Variants in PDZRN3 observed in about 807,000 individuals in gnomAD.
PDZRN3 encodes PDZ domain containing ring finger 3.
PDZRN3 carries 38 observed loss-of-function variants against 85.7 expected under a neutral mutation model. The observed-to-expected ratio is 0.44, with a 90% CI of 0.34 to 0.58. PDZRN3 has a LOEUF of 0.58. Ranked by LOEUF, PDZRN3 falls within the 20% of genes least tolerant of loss-of-function variation. PDZRN3 has a pLI of 0.01. For missense variants in PDZRN3, 1,629 were observed against 1,506.4 expected, an observed-to-expected ratio of 1.08 and a Z score of -1.35; for synonymous variants, 759 against 638.0, an observed-to-expected ratio of 1.19 and a Z score of -2.86.
chr3:73,602,573 T>C (rs1702531223), intron 2 of PDZRN3, 112 bp from the exon 3 acceptor site: 3 of 659,012 alleles, frequency 4.6e-6, no homozygotes, highest in Admixed American at 2.6e-5. Flanking sequence ...AGAGTGGCAA[T>C]AGGGTAAAAG....
At chr3:73,616,521 T>C (rs1193290778) in intron 1 of PDZRN3, among the ~76,000 whole-genome samples, 1 of 152,164 alleles carries the variant, frequency 6.6e-6, no homozygotes, top group Non-Finnish European at 1.5e-5. Context: ...ATATCCCTCT[T>C]TCACACATTT....
intron 1 of PDZRN3, among the ~76,000 whole-genome samples, chr3:73,610,982 T>C (rs551894940): frequency 9.8e-5 from 15 of 152,314 alleles, no homozygotes; most frequent in African/African-American, 3.4e-4. Flanking sequence ...CCTCATGATA[T>C]AGGTGGGAAG....
At position 73,454,094 on chromosome 3, in the gene PDZRN3, C is replaced by A. The variant is rs373392389; in HGVS notation, c.919-49699G>T. On this transcript the variant is annotated intron_variant, in intron 3 of 9. Coordinates refer to ENST00000263666, the MANE Select transcript of PDZRN3 (RefSeq NM_015009.3). ...CAGATCACAGCAAGCTATTCCAGCA[C>A]AAGATTCCTCATTTTAAGACCAGCT... Among the ~76,000 whole-genome samples the A allele has an allele frequency of 7.2e-5, 11 of 152,162 alleles. No individual in the cohort carries two copies. The South Asian group carries it at 2.3e-3, about 32-fold the overall frequency.
chr3:73,614,758 A>T (rs1702735677), intron 1 of PDZRN3, among the ~76,000 whole-genome samples: 2 of 152,126 alleles, frequency 1.3e-5, no homozygotes, highest in Admixed American at 1.3e-4. Flanking sequence ...GGCTGCCAGA[A>T]ATTCTTTACT....
rs1701288855 is a variant in PDZRN3 at position 73,384,163 on chromosome 3, G to A, written c.2403C>T (p.Tyr801=). 3.1e-6 allele frequency: 5 copies of A among 1,613,916 alleles called. No homozygotes were observed. Among genetic ancestry groups the A allele is most frequent in the Non-Finnish European group, 4.2e-6 (5 of 1,180,042 alleles). Residue 801 remains tyrosine (Y), a synonymous_variant, in exon 10 of 10, where the codon TAC becomes TAT. Coordinates refer to ENST00000263666, the MANE Select transcript of PDZRN3 (RefSeq NM_015009.3). ...AGAGCAGATTCTTGGAGGCTGGCCCGTAGGCTTCCGTGGTCCCCACAGCCC... is the reference window on the plus strand; with the variant it reads ...AGAGCAGATTCTTGGAGGCTGGCCCATAGGCTTCCGTGGTCCCCACAGCCC... The part of the protein sequence containing the change: ...SEGAVGTTEA[Y]GPASKNLLSI...
chr3:73,384,986 T>A, intron 9 of PDZRN3, 56 bp from the exon 10 acceptor site: 1 of 1,535,570 alleles, frequency 6.5e-7, no homozygotes, highest in South Asian at 1.3e-5. Context: ...CAGCAGGTAC[T>A]CAGGTTTGAC....
At chr3:73,486,567 G>A (rs1703665917) in intron 3 of PDZRN3, among the ~76,000 whole-genome samples, 1 of 152,298 alleles carries the variant, frequency 6.6e-6, no homozygotes. Flanking sequence ...GTAAGACAAC[G>A]TGAATGTAAT....
At chr3:73,502,093 T>C (rs1703991582) in intron 3 of PDZRN3, among the ~76,000 whole-genome samples, 1 of 152,194 alleles carries the variant, frequency 6.6e-6, no homozygotes, top group Non-Finnish European at 1.5e-5. Flanking sequence ...GCTGCTAGCT[T>C]GTAGACCAAA....
At chr3:73,594,448 C>G (rs746245434) in intron 3 of PDZRN3, among the ~76,000 whole-genome samples, 25 of 152,138 alleles carry the variant, frequency 1.6e-4, no homozygotes. Context: ...AACTCTCCAC[C>G]TTTGTACTTA....
chr3:73,422,197 A>G (rs1438211751), intron 3 of PDZRN3, among the ~76,000 whole-genome samples: 1 of 152,124 alleles, frequency 6.6e-6, no homozygotes, highest in Non-Finnish European at 1.5e-5. Context: ...GATGCCCACT[A>G]ATGTCTTTTA....
chr3:73,411,945 A>G (rs11128337), intron 3 of PDZRN3, among the ~76,000 whole-genome samples: 79,687 of 152,028 alleles, frequency 0.52, 21,397 homozygotes, highest in East Asian at 0.75. Context: ...ATCCTCACAC[A>G]AGGGAAGTAC....
At chr3:73,486,969 A>T (rs190042784) in intron 3 of PDZRN3, among the ~76,000 whole-genome samples, 1 of 152,158 alleles carries the variant, frequency 6.6e-6, no homozygotes, top group Non-Finnish European at 1.5e-5. Context: ...TTTTTGCTCC[A>T]AAGTTGGTGC....
chr3:73,425,993 G>A (rs895735364), intron 3 of PDZRN3, among the ~76,000 whole-genome samples: 4 of 151,938 alleles, frequency 2.6e-5, no homozygotes, highest in Non-Finnish European at 4.4e-5. Context: ...ATTCTCTTCC[G>A]GCAGGAGAAT....
rs1448350053 is a variant in PDZRN3 at position 73,481,164 on chromosome 3, G to T, written c.919-76769C>A. Among the ~76,000 whole-genome samples, 3 of 152,100 alleles carry T rather than the reference G, an allele frequency of 2.0e-5. No individual in the cohort carries two copies. In the East Asian group the frequency reaches 5.8e-4, roughly 29 times the overall value. ...CTTGCTCTCTAATGATTCCTACATG[G>T]CTCTGAGCCCTCTGACACAAAGACT... On this transcript the variant is annotated intron_variant, in intron 3 of 9. Coordinates refer to ENST00000263666, the MANE Select transcript of PDZRN3 (RefSeq NM_015009.3).
chr3:73,550,311 G>A (rs1012560415), intron 3 of PDZRN3, among the ~76,000 whole-genome samples: 4 of 152,082 alleles, frequency 2.6e-5, no homozygotes, highest in Non-Finnish European at 5.9e-5. Context: ...GTTTTAACAG[G>A]CCCTTTAGGT....
chr3:73,476,433 C>A (rs1463116049), intron 3 of PDZRN3, among the ~76,000 whole-genome samples: 1 of 152,114 alleles, frequency 6.6e-6, no homozygotes, highest in Non-Finnish European at 1.5e-5. Context: ...GAGAAACCAC[C>A]CCCATGATCC....
chr3:73,421,611 T>C (rs13320978), intron 3 of PDZRN3, among the ~76,000 whole-genome samples: 170 of 152,326 alleles, frequency 1.1e-3, no homozygotes, highest in African/African-American at 3.8e-3. Context: ...ATATAAGATA[T>C]CACCTTGATA....
At chr3:73,442,015 T>G (rs1417831327) in intron 3 of PDZRN3, among the ~76,000 whole-genome samples, 2 of 152,210 alleles carry the variant, frequency 1.3e-5, no homozygotes, top group Non-Finnish European at 2.9e-5. Flanking sequence ...GTAATCTCTT[T>G]GCCCATGTGA....
At chr3:73,484,176 A>T (rs772497369) in intron 3 of PDZRN3, among the ~76,000 whole-genome samples, 1 of 152,174 alleles carries the variant, frequency 6.6e-6, no homozygotes, top group Non-Finnish European at 1.5e-5. Flanking sequence ...AGTCTAAAGC[A>T]TCTCTAAGGT....
Sources: allele counts gnomAD v4.1 joint callset (sites outside exome capture counted in the v4.1 genomes callset), GRCh38; gene constraint gnomAD v4.1.1; transcripts MANE v1.5; gene names NCBI Gene and HGNC (gene_info 2026-07-23, HGNC 2026-07-21).